SLC4A10: variants seen among roughly 807,000 people sequenced by gnomAD.
SLC4A10 encodes the protein sodium-driven chloride bicarbonate exchanger.
A neutral mutation model predicts 137.7 loss-of-function variants in SLC4A10; 42 were observed. The ratio of observed to expected loss-of-function variants is 0.30; its 90% CI spans 0.24 to 0.39. The LOEUF is 0.39. Ranked by LOEUF, SLC4A10 falls within the 10% of genes least tolerant of loss-of-function variation. The pLI is 1.00. For missense variants in SLC4A10, 925 were observed against 1,355.0 expected (o/e 0.68, Z 4.98); for synonymous variants, 474 against 464.1 (o/e 1.02, Z -0.27).
chr2:161,778,357 T>C (rs543684761), intron 2 of SLC4A10, among the ~76,000 whole-genome samples: 3 of 152,106 alleles, frequency 2.0e-5, no homozygotes, highest in Admixed American at 1.3e-4. Flanking sequence ...TTATGCCTTT[T>C]CTTATATAAT....
intron 1 of SLC4A10, among the ~76,000 whole-genome samples, chr2:161,744,275 T>C (rs1019584459): frequency 6.6e-6 from 1 of 152,152 alleles, no homozygotes; most frequent in African/African-American, 2.4e-5. Flanking sequence ...CTGCCATATA[T>C]GGCTTTTATT....
At chr2:161,800,207 A>AT (rs904824020) in intron 2 of SLC4A10, among the ~76,000 whole-genome samples, 3 of 152,002 alleles carry the variant, frequency 2.0e-5, no homozygotes, top group Non-Finnish European at 4.4e-5. Context: ...GCATGAAAAC[A>AT]TTTTCTCTGT....
At chr2:161,978,540 G>T (rs1266128553) in intron 26 of SLC4A10, among the ~76,000 whole-genome samples, 1 of 152,150 alleles carries the variant, frequency 6.6e-6, no homozygotes, top group African/African-American at 2.4e-5. Flanking sequence ...AGAGAAAGAG[G>T]CTACATTAGA....
chr2:161,651,723 T>A (rs2036823774), intron 1 of SLC4A10, among the ~76,000 whole-genome samples: 1 of 152,250 alleles, frequency 6.6e-6, no homozygotes, highest in South Asian at 2.1e-4. Context: ...CGCCTGGAGC[T>A]GCCTGCCCCA....
chr2:161,818,711 C>G (rs1390972086), intron 3 of SLC4A10, among the ~76,000 whole-genome samples: 2 of 152,116 alleles, frequency 1.3e-5, no homozygotes, highest in African/African-American at 4.8e-5. Context: ...TTGTCAAAGG[C>G]CTTTTCTGCA....
chr2:161,661,268 A>T (rs545692082), intron 1 of SLC4A10, among the ~76,000 whole-genome samples: 278 of 152,226 alleles, frequency 1.8e-3, no homozygotes, highest in African/African-American at 6.3e-3. Flanking sequence ...AGGTCAAGAG[A>T]TCGAGAGACT....
At chr2:161,977,179 C>T (rs2105990425) in intron 25 of SLC4A10, 1 of 284,862 alleles carries the variant, frequency 3.5e-6, no homozygotes, top group South Asian at 5.2e-5. Flanking sequence ...TCCCCCAGGA[C>T]CCCTTTAGAC....
intron 1 of SLC4A10, among the ~76,000 whole-genome samples, chr2:161,683,832 T>A (rs2041116170): frequency 6.6e-6 from 1 of 152,214 alleles, no homozygotes; most frequent in Non-Finnish European, 1.5e-5. Flanking sequence ...ACTCTAAAGT[T>A]ACAATTAGAA....
chr2:161,659,533 G>T (rs1383311085), intron 1 of SLC4A10, among the ~76,000 whole-genome samples: 2 of 152,046 alleles, frequency 1.3e-5, no homozygotes, highest in East Asian at 1.9e-4. Context: ...ATTACTTTAT[G>T]GGTACATGTG....
chr2:161,910,168 A>G (rs1014564050), intron 15 of SLC4A10, among the ~76,000 whole-genome samples: 11 of 152,164 alleles, frequency 7.2e-5, no homozygotes, highest in Non-Finnish European at 5.9e-5. Context: ...GCCTCCTACA[A>G]TCAGATTTCC....
intron 1 of SLC4A10, among the ~76,000 whole-genome samples, chr2:161,674,467 G>A (rs2040071850): frequency 6.6e-6 from 1 of 152,164 alleles, no homozygotes; most frequent in Non-Finnish European, 1.5e-5. Context: ...TGCTACTGCT[G>A]CCACTGTTGC....
chr2:161,902,398 A>G (rs1284851862), intron 12 of SLC4A10, among the ~76,000 whole-genome samples: 1 of 152,170 alleles, frequency 6.6e-6, no homozygotes, highest in African/African-American at 2.4e-5. Context: ...GAATGCCTAA[A>G]TAGACTGGTA....
At chr2:161,671,964 T>C (rs1405757342) in intron 1 of SLC4A10, among the ~76,000 whole-genome samples, 1 of 152,108 alleles carries the variant, frequency 6.6e-6, no homozygotes, top group African/African-American at 2.4e-5. Context: ...TTTATTTTGA[T>C]TGTGTGAATT....
intron 3 of SLC4A10, among the ~76,000 whole-genome samples, chr2:161,838,434 T>G (rs2058957394): frequency 6.6e-6 from 1 of 152,112 alleles, no homozygotes; most frequent in African/African-American, 2.4e-5. Flanking sequence ...GTTTTCAAAT[T>G]TGATACCAAA....
chr2:161,881,657 T>A (rs2061790746), intron 9 of SLC4A10, among the ~76,000 whole-genome samples: 1 of 152,038 alleles, frequency 6.6e-6, no homozygotes, highest in Non-Finnish European at 1.5e-5. Context: ...GGATTGACCT[T>A]CTCAGAGACA....
chr2:161,830,385 G>A (rs1024478658), intron 3 of SLC4A10, among the ~76,000 whole-genome samples: 1 of 151,540 alleles, frequency 6.6e-6, no homozygotes, highest in African/African-American at 2.4e-5. Context: ...TAACATGCCA[G>A]TGTTATATTT....
chr2:161,915,358 C>T (rs1310829728), intron 15 of SLC4A10, among the ~76,000 whole-genome samples: 6 of 152,156 alleles, frequency 3.9e-5, no homozygotes, highest in South Asian at 2.1e-4. Context: ...TCCTCTTGGG[C>T]ACTGGAAAAG....
At chr2:161,954,196 T>C (rs1695279185) in intron 19 of SLC4A10, among the ~76,000 whole-genome samples, 1 of 152,224 alleles carries the variant, frequency 6.6e-6, no homozygotes, top group Admixed American at 6.5e-5. Context: ...TTTGCCCTCT[T>C]TGTCAGCCTG....
chr2:161,663,268 C>G (rs1381688732), intron 1 of SLC4A10, among the ~76,000 whole-genome samples: 1 of 151,904 alleles, frequency 6.6e-6, no homozygotes, highest in Non-Finnish European at 1.5e-5. Flanking sequence ...ATAAGAATAC[C>G]AAACACACAA....
Sources: gnomAD v4.1 joint callset for allele counts (sites outside exome capture counted in the v4.1 genomes callset) on GRCh38, gnomAD v4.1.1 for gene constraint, MANE v1.5 for transcripts, NCBI Gene and HGNC (gene_info 2026-07-23, HGNC 2026-07-21) for gene names.